KCNN2: variants seen among roughly 807,000 people sequenced by gnomAD.
KCNN2 encodes the protein potassium calcium-activated channel subfamily N member 2, also known as small conductance calcium-activated potassium channel protein 2.
Under a neutral mutation model 55.5 loss-of-function variants are expected in KCNN2, and 24 were observed. That is an observed-to-expected ratio of 0.43 (90% CI 0.31 to 0.61). The LOEUF (loss-of-function observed/expected upper bound fraction) is 0.61. KCNN2 is among the 20% of genes least tolerant of loss of function. The probability of loss-of-function intolerance (pLI) is 0.08; values close to 1 mark genes in which losing one functional copy is unlikely to be tolerated. For synonymous variants in KCNN2, 431 were observed against 336.1 expected (o/e 1.28, Z -3.09); for missense variants, 754 against 853.6 (o/e 0.88, Z 1.45).
chr5:114,467,655 A>T (rs938409286), intron 4 of KCNN2, among the ~76,000 whole-genome samples: 1 of 152,110 alleles, frequency 6.6e-6, no homozygotes, highest in African/African-American at 2.4e-5. Flanking sequence ...TCCTTTCTTG[A>T]GGACCTTCAC....
At position 114,362,918 on chromosome 5, in the gene KCNN2, C is replaced by T. The variant is rs1757481007; in HGVS notation, c.779C>T (p.Ser260Phe). 2 of 1,581,476 alleles carry T rather than the reference C, an allele frequency of 1.3e-6. No individual in the cohort carries two copies. The highest frequency in any genetic ancestry group is 1.7e-6 in the Non-Finnish European group (2 of 1,173,368). ...GTCGGAGGAGGTGGCGGCGCGTCCT[C>T]CCCGTCTGCAGCCGCTGCCGCCGCC... is the stretch of plus-strand genomic sequence containing the variant. ...ASVGGGGGAS[S>F]PSAAAAAAAA... The change falls in exon 1 of 8, where the codon TCC (serine) becomes TTC (phenylalanine). Residue 260 changes from serine (S) to phenylalanine (F), a missense_variant. Coordinates refer to ENST00000673685, the MANE Select transcript of KCNN2 (RefSeq NM_021614.4).
chr5:114,471,514 T>G (rs1222732092), intron 4 of KCNN2, among the ~76,000 whole-genome samples: 1 of 152,196 alleles, frequency 6.6e-6, no homozygotes, highest in African/African-American at 2.4e-5. Context: ...GAGATTCAAG[T>G]GTATGTGATC....
chr5:114,238,581 G>A (rs906818790), intron 2 of KCNN2, among the ~76,000 whole-genome samples: 15 of 151,382 alleles, frequency 9.9e-5, no homozygotes, highest in East Asian at 5.8e-4. Context: ...AGCCAAGATC[G>A]CGGCACTGCA....
intron 6 of KCNN2, among the ~76,000 whole-genome samples, chr5:114,491,509 CTTT>C (rs11295961): frequency 1.0e-4 from 11 of 109,660 alleles, no homozygotes; most frequent in East Asian, 8.0e-4. Context: ...TCTGCTTTTT[CTTT>C]TTTTTTTTTT....
intron 1 of KCNN2, among the ~76,000 whole-genome samples, chr5:114,069,589 A>C (rs1483007045): frequency 6.6e-6 from 1 of 152,168 alleles, no homozygotes; most frequent in Non-Finnish European, 1.5e-5. Context: ...CAGACTGGCC[A>C]CATCTATCAC....
intron 1 of KCNN2, among the ~76,000 whole-genome samples, chr5:114,119,386 T>G (rs1190432184): frequency 6.6e-6 from 1 of 152,250 alleles, no homozygotes; most frequent in African/African-American, 2.4e-5. Context: ...TCCATTGGCT[T>G]CTTTTAGATA....
At chr5:114,430,172 G>C (rs1385339810) in intron 3 of KCNN2, among the ~76,000 whole-genome samples, 1 of 151,974 alleles carries the variant, frequency 6.6e-6, no homozygotes, top group African/African-American at 2.4e-5. Flanking sequence ...ATAACTTGCT[G>C]TAATTTTGGT....
At chr5:114,214,792 C>A (rs917869272) in intron 1 of KCNN2, among the ~76,000 whole-genome samples, 2 of 151,984 alleles carry the variant, frequency 1.3e-5, no homozygotes, top group South Asian at 4.1e-4. Context: ...CATCCAAGAC[C>A]TAAATAAAAC....
intron 3 of KCNN2, among the ~76,000 whole-genome samples, chr5:114,410,264 T>C (rs1310671155): frequency 6.6e-6 from 1 of 152,224 alleles, no homozygotes; most frequent in East Asian, 1.9e-4. Flanking sequence ...TTCTCTAGTT[T>C]TGTAAAGATA....
chr5:114,098,857 C>G (rs1309842176), intron 1 of KCNN2, among the ~76,000 whole-genome samples: 1 of 152,020 alleles, frequency 6.6e-6, no homozygotes, highest in Non-Finnish European at 1.5e-5. Flanking sequence ...TACATAGTTT[C>G]CACAGGGGTG....
exon 2 of KCNN2, among the ~76,000 whole-genome samples, chr5:114,221,513 C>T (rs1347342105): frequency 6.6e-6 from 1 of 151,888 alleles, no homozygotes; most frequent in Admixed American, 6.6e-5. Context: ...AGGATGGACT[C>T]CAGCAAGAGG....
At chr5:114,127,474 G>C (rs1430295383) in intron 1 of KCNN2, among the ~76,000 whole-genome samples, 1 of 152,164 alleles carries the variant, frequency 6.6e-6, no homozygotes, top group Non-Finnish European at 1.5e-5. Context: ...AGCCACAGCT[G>C]GAGTGTCTGG....
intron 2 of KCNN2, among the ~76,000 whole-genome samples, chr5:114,311,595 T>C (rs1204412747): frequency 1.3e-5 from 2 of 152,234 alleles, no homozygotes; most frequent in Admixed American, 6.5e-5. Context: ...TGCATTGATC[T>C]GAAGATTTCT....
chr5:114,134,458 GATTTATTTATTTATTTATTTATTT>G (rs368773249), intron 1 of KCNN2, among the ~76,000 whole-genome samples: 21 of 137,404 alleles, frequency 1.5e-4, no homozygotes, highest in Non-Finnish European at 2.5e-4. Flanking sequence ...ATCCAACCAT[GATTTATTTATTTATTTATTTATTT>G]ATTTATTTAT....
At chr5:114,468,553 G>A (rs1014135772) in intron 4 of KCNN2, among the ~76,000 whole-genome samples, 1 of 151,968 alleles carries the variant, frequency 6.6e-6, no homozygotes, top group African/African-American at 2.4e-5. Flanking sequence ...AGTCTATTTA[G>A]TCTAATAAAC....
intron 1 of KCNN2, among the ~76,000 whole-genome samples, chr5:114,093,184 A>C (rs1385609575): frequency 6.6e-6 from 1 of 152,156 alleles, no homozygotes; most frequent in Admixed American, 6.5e-5. Flanking sequence ...TCTCTGCTCA[A>C]GATCTCTAGG....
intron 2 of KCNN2, among the ~76,000 whole-genome samples, chr5:114,232,731 C>T (rs1259248272): frequency 6.6e-6 from 1 of 150,560 alleles, no homozygotes; most frequent in African/African-American, 2.5e-5. Context: ...AAAGTTTTAT[C>T]TCAAAGTCCA....
chr5:114,244,236 G>GTGCTCC, intron 2 of KCNN2, among the ~76,000 whole-genome samples: 1 of 152,080 alleles, frequency 6.6e-6, no homozygotes, highest in Admixed American at 6.5e-5. Context: ...GGAGCACGCA[G>GTGCTCC]TAAACAGACT....
At chr5:114,357,723 A>C (rs1212386150), upstream of KCNN2, among the ~76,000 whole-genome samples, 2 of 130,810 alleles carry the variant, frequency 1.5e-5, no homozygotes, top group African/African-American at 5.9e-5. Flanking sequence ...GGTTGGTTCC[A>C]AGTCTTTGCT....
Sources: gnomAD v4.1 joint callset for allele counts (sites outside exome capture counted in the v4.1 genomes callset) on GRCh38, gnomAD v4.1.1 for gene constraint, MANE v1.5 for transcripts, NCBI Gene and HGNC (gene_info 2026-07-23, HGNC 2026-07-21) for gene names.